Variants in EPS8 observed in about 807,000 individuals in gnomAD.
The protein encoded by EPS8 is EGFR pathway substrate 8, signaling adaptor.
In EPS8, 42 loss-of-function variants were observed where a neutral mutation model predicts 103.8. The ratio of observed to expected loss-of-function variants is 0.40; its 90% CI spans 0.32 to 0.52. The LOEUF is 0.52. Among genes scored for constraint, EPS8 ranks in the 20% least tolerant of loss-of-function variants. The probability of loss-of-function intolerance (pLI) is 0.40; values close to 1 mark genes in which losing one functional copy is unlikely to be tolerated. For synonymous variants in EPS8, 344 were observed against 344.6 expected (o/e 1.00, Z 0.02); for missense variants, 969 against 1,005.1 (o/e 0.96, Z 0.49).
In EPS8 at chr12:15,654,255, T is replaced by C. The variant is rs755291236; in HGVS notation, c.1140A>G (p.Ser380=). The change falls in exon 13 of 21, where the codon TCA becomes TCG. Residue 380 remains serine, a synonymous_variant. Transcript: ENST00000281172. The part of the protein sequence containing the change: ...QATGGPELAS[S]VLSPLLNKDT... ...CCTTATTCAATAGGGGACTAAGTACTGAACTGGCTAGTTCAGGACCTCCTG... is the reference window on the plus strand; with the variant it reads ...CCTTATTCAATAGGGGACTAAGTACCGAACTGGCTAGTTCAGGACCTCCTG... 9 of 1,613,584 alleles carry C rather than the reference T, an allele frequency of 5.6e-6. No homozygotes were observed. The East Asian group carries it at 1.6e-4, about 28-fold the overall frequency.
rs1348625101 is a variant in EPS8 at position 15,734,432 on chromosome 12, C to T, written c.-21-51460G>A. Among the ~76,000 whole-genome samples, 1 of 152,156 alleles carries T rather than the reference C, an allele frequency of 6.6e-6. No individual in the cohort carries two copies. The highest frequency in any genetic ancestry group is 2.4e-5 in the African/African-American group (1 of 41,444). Reference sequence around the variant, plus strand: ...CTCTGTGGTTGGGCACGGTGGCTCACACCTGTAATCCCAGCACTTTGGGAG... The same window carrying T: ...CTCTGTGGTTGGGCACGGTGGCTCATACCTGTAATCCCAGCACTTTGGGAG... On this transcript the variant is annotated intron_variant, in intron 1 of 20. Coordinates refer to ENST00000281172, the MANE Select transcript of EPS8 (RefSeq NM_004447.6). The surrounding 1 kb of genome is among the most constrained non-coding windows in gnomAD (Gnocchi z 4.1).
chr12:15,750,269 T>C (rs1014179694), intron 1 of EPS8, among the ~76,000 whole-genome samples: 1 of 152,168 alleles, frequency 6.6e-6, no homozygotes, highest in Non-Finnish European at 1.5e-5. Flanking sequence ...CAGACATACA[T>C]GCACATGCAC....
At chr12:15,632,023 A>G (rs1031293736) in intron 17 of EPS8, among the ~76,000 whole-genome samples, 4 of 152,170 alleles carry the variant, frequency 2.6e-5, no homozygotes, top group African/African-American at 7.2e-5. Flanking sequence ...ATAATTTCCA[A>G]TTGCACTGGA....
chr12:15,670,935 A>G lies in EPS8; in HGVS notation c.137-12T>C, dbSNP rs1945804701. On this transcript the variant is annotated splice_polypyrimidine_tract_variant and intron_variant, in intron 3 of 20. Coordinates refer to ENST00000281172, the MANE Select transcript of EPS8 (RefSeq NM_004447.6). Reference sequence around the variant, plus strand: ...ATTCTTCCTTTGTTCTGAAAGAGAAATTGAAAAAGCCATGATTTGTCCCCT... The same window carrying G: ...ATTCTTCCTTTGTTCTGAAAGAGAAGTTGAAAAAGCCATGATTTGTCCCCT... The G allele has an allele frequency of 6.2e-7, 1 of 1,608,648 alleles. No homozygotes were observed. The highest frequency in any genetic ancestry group is 2.2e-5 in the East Asian group (1 of 44,760).
At chr12:15,786,821 A>T (rs978976385) in intron 1 of EPS8, among the ~76,000 whole-genome samples, 10 of 152,142 alleles carry the variant, frequency 6.6e-5, no homozygotes, top group African/African-American at 2.2e-4. Flanking sequence ...ATTTTCAATC[A>T]CTAACAGCTG....
chr12:15,631,029 A>G (rs1945036383), intron 18 of EPS8, among the ~76,000 whole-genome samples: 1 of 152,224 alleles, frequency 6.6e-6, no homozygotes, highest in Non-Finnish European at 1.5e-5. Context: ...GATGCTTTCT[A>G]TGCATTATCT....
Position 15,681,935 on chromosome 12 carries a change from G to A in EPS8, c.60-633C>T, listed in dbSNP as rs1284480850. On this transcript the variant is annotated intron_variant, in intron 2 of 20. Transcript: ENST00000281172. ...ATAAGGACTATGGGAGGGGGAAACA[G>A]GGTGCTGTCAATAAAATAAGTACAT... Among the ~76,000 whole-genome samples, 5 of 151,996 alleles carry A rather than the reference G, an allele frequency of 3.3e-5. No individual in the cohort carries two copies. The East Asian group carries it at 5.8e-4, about 18-fold the overall frequency.
intron 18 of EPS8, among the ~76,000 whole-genome samples, chr12:15,628,629 T>C (rs1327753602): frequency 2.0e-5 from 3 of 152,212 alleles, no homozygotes; most frequent in Admixed American, 6.5e-5. Flanking sequence ...GGCTTCACAG[T>C]TATTTTGAAT....
chr12:15,651,044 T>C (rs778188288), intron 13 of EPS8, 38 bp from the exon 14 acceptor site: 2 of 1,552,142 alleles, frequency 1.3e-6, no homozygotes, highest in South Asian at 2.3e-5. Flanking sequence ...CAATAAAATC[T>C]AGGAATGTAT....
Position 15,787,047 on chromosome 12 carries a change from A to C in EPS8, c.-22+2114T>G, listed in dbSNP as rs1197642739. 6.6e-6 allele frequency among the ~76,000 whole-genome samples: 1 copy of C among 152,178 alleles called. No individual in the cohort carries two copies. Among genetic ancestry groups the C allele is most frequent in the Non-Finnish European group, 1.5e-5 (1 of 68,002 alleles). On this transcript the variant is annotated intron_variant, in intron 1 of 20. Coordinates refer to ENST00000281172, the MANE Select transcript of EPS8 (RefSeq NM_004447.6). The surrounding 1 kb of genome is among the most constrained non-coding windows in gnomAD (Gnocchi z 4.9). ...CTGAGTTGTATATAAATATTACATA[A>C]ATCAGTGTTAAAATATTCATCCAAT...
chr12:15,751,276 T>C lies in EPS8; in HGVS notation c.-22+37885A>G, dbSNP rs1334445639. ...GCAAGGCTGAGGCAGGAGAATCGCT[T>C]GAACCTGGGAGATAAAGGCTGCAGT... On this transcript the variant is annotated intron_variant, in intron 1 of 20. Coordinates refer to ENST00000281172, the MANE Select transcript of EPS8 (RefSeq NM_004447.6). The surrounding 1 kb of genome is among the most constrained non-coding windows in gnomAD (Gnocchi z 4.3). Among the ~76,000 whole-genome samples the C allele has an allele frequency of 6.6e-6, 1 of 152,082 alleles. No homozygotes were observed. Among genetic ancestry groups the C allele is most frequent in the African/African-American group, 2.4e-5 (1 of 41,388 alleles).
At chr12:15,636,971 G>C (rs561186558) in intron 17 of EPS8, among the ~76,000 whole-genome samples, 2 of 152,282 alleles carry the variant, frequency 1.3e-5, no homozygotes, top group African/African-American at 4.8e-5. Context: ...CATTAATACA[G>C]AGAAAAACTA....
rs1212492370 is a variant in EPS8 at position 15,764,606 on chromosome 12, C to A, written c.-22+24555G>T. On this transcript the variant is annotated intron_variant, in intron 1 of 20. Transcript: ENST00000281172. The surrounding 1 kb of genome is among the most constrained non-coding windows in gnomAD (Gnocchi z 4.1). The stretch of plus-strand genomic sequence containing the variant: ...TTATTTTCAGGGCTTGATGAAACTT[C>A]AACCAGATAAAGTAATGTCTGAACC... Among the ~76,000 whole-genome samples, 17 of 152,180 alleles carry A rather than the reference C, an allele frequency of 1.1e-4. No homozygotes were observed. Among genetic ancestry groups the A allele is most frequent in the Non-Finnish European group, 2.4e-4 (16 of 68,020 alleles).
At chr12:15,631,246 TAGAG>T (rs1159813898) in intron 18 of EPS8, among the ~76,000 whole-genome samples, 192 bp downstream of exon 18, 1 of 152,118 alleles carries the variant, frequency 6.6e-6, no homozygotes, top group African/African-American at 2.4e-5. Context: ...AGGCATGCAT[TAGAG>T]AGTGGAGAGA....
intron 1 of EPS8, among the ~76,000 whole-genome samples, chr12:15,741,507 C>T (rs866867455): frequency 3.9e-5 from 6 of 152,178 alleles, no homozygotes; most frequent in Non-Finnish European, 7.3e-5. Context: ...CTGGAACCCC[C>T]ACATTTCATT....
At chr12:15,629,765 T>C (rs1424605268) in intron 18 of EPS8, among the ~76,000 whole-genome samples, 1 of 152,242 alleles carries the variant, frequency 6.6e-6, no homozygotes, top group Non-Finnish European at 1.5e-5. Context: ...TTATGCTTAT[T>C]GCATTTAACC....
At chr12:15,694,250 G>A (rs74063351) in intron 1 of EPS8, among the ~76,000 whole-genome samples, 2,023 of 151,780 alleles carry the variant, frequency 0.013, 47 homozygotes, top group African/African-American at 0.046. Context: ...TAAAAACAAA[G>A]GTACCATAAC....
chr12:15,666,204 C>G (rs772961459), intron 7 of EPS8, among the ~76,000 whole-genome samples: 11 of 152,178 alleles, frequency 7.2e-5, no homozygotes, highest in Non-Finnish European at 1.2e-4. Context: ...ACTCATCTTT[C>G]ATGACTCTGT....
At chr12:15,730,106 C>G (rs764651522) in intron 1 of EPS8, among the ~76,000 whole-genome samples, 60 of 152,126 alleles carry the variant, frequency 3.9e-4, no homozygotes, top group African/African-American at 1.4e-3. Flanking sequence ...TATCAACTCC[C>G]ATCTCTATAA....
Sources: allele counts gnomAD v4.1 joint callset (sites outside exome capture counted in the v4.1 genomes callset), GRCh38; gene constraint gnomAD v4.1.1; non-coding constraint Gnocchi (gnomAD v3.1); transcripts MANE v1.5; gene names NCBI Gene and HGNC (gene_info 2026-07-23, HGNC 2026-07-21).